Variants in BLMH observed in about 807,000 individuals in gnomAD.
BLMH encodes the protein BLM hydrolase.
BLMH carries 32 observed loss-of-function variants against 61.6 expected under a neutral mutation model. The ratio of observed to expected loss-of-function variants is 0.52; its 90% CI spans 0.39 to 0.70. The LOEUF is 0.70. Among genes scored for constraint, BLMH ranks in the 30% least tolerant of loss-of-function variants. BLMH has a pLI of 0.00. For synonymous variants in BLMH, 183 were observed against 193.8 expected, an observed-to-expected ratio of 0.94 and a Z score of 0.46; for missense variants, 460 against 555.5, an observed-to-expected ratio of 0.83 and a Z score of 1.73.
In BLMH at chr17:30,248,223, T is replaced by C. The variant is rs2143018759; in HGVS notation, c.*794A>G. The C allele has an allele frequency of 6.5e-6, 1 of 152,736 alleles. No homozygotes were observed. Among genetic ancestry groups the C allele is most frequent in the East Asian group, 1.9e-4 (1 of 5,186 alleles). 9.5% of individuals were successfully genotyped at this position (152,736 alleles called of 1,614,324 possible). ...GCTTATTCTCATTTAGCAAAGTTTT[T>C]ATTCAAAAGCTTCTCAGCACCATCT... is the stretch of plus-strand genomic sequence containing the variant. On this transcript the variant is annotated 3_prime_UTR_variant, in exon 12 of 12. Coordinates refer to ENST00000261714, the MANE Select transcript of BLMH (RefSeq NM_000386.4).
chr17:30,272,682 T>C, intron 8 of BLMH, 54 bp from the exon 9 acceptor site: 3 of 1,613,974 alleles, frequency 1.9e-6, no homozygotes, highest in Non-Finnish European at 2.5e-6. Flanking sequence ...CTTCCTATTA[T>C]ACCAAAGAAG....
intron 10 of BLMH, among the ~76,000 whole-genome samples, chr17:30,269,428 G>A (rs528032261): frequency 6.6e-6 from 1 of 151,970 alleles, no homozygotes; most frequent in African/African-American, 2.4e-5. Context: ...TGATCCTCCC[G>A]CCTCAGCCTC....
At position 30,291,444 on chromosome 17, in the gene BLMH, A is replaced by G. The variant is rs1392302089; in HGVS notation, c.78T>C (p.Leu26=). The change falls in exon 2 of 12, where the codon CTT becomes CTC. Residue 26 remains leucine (L), a synonymous_variant. Transcript: ENST00000261714. The stretch of plus-strand genomic sequence containing the variant: ...CGTGGGTGGTCCCGACATTCTGGGC[A>G]AGTACGAACTGGGGGTCGGAATTCA... The part of the protein sequence containing the change: ...QKLNSDPQFV[L]AQNVGTTHDL... 3 of 1,614,178 alleles carry G rather than the reference A, an allele frequency of 1.9e-6. No individual in the cohort carries two copies. The highest frequency in any genetic ancestry group is 2.5e-6 in the Non-Finnish European group (3 of 1,180,030).
At chr17:30,254,534 A>C (rs1907762074) in intron 11 of BLMH, among the ~76,000 whole-genome samples, 1 of 152,240 alleles carries the variant, frequency 6.6e-6, no homozygotes, top group Admixed American at 6.5e-5. Context: ...GGTGATAAAA[A>C]ATAGATTAGA....
intron 11 of BLMH, chr17:30,252,183 C>T (rs1238025376): frequency 6.6e-6 from 1 of 152,148 alleles, no homozygotes; most frequent in Non-Finnish European, 1.5e-5. Context: ...CCAAAGATCA[C>T]ACTTTGAGAA....
intron 9 of BLMH, 61 bp from the exon 10 acceptor site, chr17:30,271,449 G>A: frequency 7.6e-7 from 1 of 1,320,600 alleles, no homozygotes; most frequent in Non-Finnish European, 1.1e-6. Context: ...ACTGGCTTTT[G>A]GTTGTAAAAG....
intron 10 of BLMH, among the ~76,000 whole-genome samples, chr17:30,270,794 T>C (rs1000982911): frequency 1.3e-5 from 2 of 152,234 alleles, no homozygotes; most frequent in Non-Finnish European, 2.9e-5. Flanking sequence ...CAAAATACTT[T>C]ACATCCAATT....
intron 10 of BLMH, among the ~76,000 whole-genome samples, chr17:30,267,978 T>A (rs1012839450): frequency 6.6e-6 from 1 of 152,162 alleles, no homozygotes; most frequent in African/African-American, 2.4e-5. Context: ...CTCAGTAATT[T>A]TCTGTCTCAC....
intron 5 of BLMH, 38 bp from the exon 6 acceptor site, chr17:30,285,518 C>A: frequency 1.3e-6 from 2 of 1,525,696 alleles, no homozygotes; most frequent in Admixed American, 1.8e-5. Flanking sequence ...AACAGTTACC[C>A]GAATTCAATT....
Position 30,290,630 on chromosome 17 carries a change from A to T in BLMH, c.211+681T>A, listed in dbSNP as rs965864735. ...TCGTTTTTAAGTATAGAAAGACTTT[A>T]AAAAATCCGTTTAGTACAATTTTGT... is the stretch of plus-strand genomic sequence containing the variant. On this transcript the variant is annotated intron_variant, in intron 2 of 11. Coordinates refer to ENST00000261714, the MANE Select transcript of BLMH (RefSeq NM_000386.4). Among the ~76,000 whole-genome samples, 4 of 152,240 alleles carry T rather than the reference A, an allele frequency of 2.6e-5. No homozygotes were observed. In the East Asian group the frequency reaches 5.8e-4, roughly 22 times the overall value.
At chr17:30,266,539 GA>G (rs1270602877) in intron 11 of BLMH, among the ~76,000 whole-genome samples, 444 of 133,746 alleles carry the variant, frequency 3.3e-3, no homozygotes, top group Middle Eastern at 0.012. Flanking sequence ...AAAAAAAAAA[GA>G]AAAAAAAAAG....
intron 11 of BLMH, among the ~76,000 whole-genome samples, chr17:30,254,785 C>CCCTTGGGATTGTGT (rs1907768350): frequency 6.6e-6 from 1 of 152,136 alleles, no homozygotes; most frequent in South Asian, 2.1e-4. Context: ...TGCCTACAAT[C>CCCTTGGGATTGTGT]CCACCACCTT....
At chr17:30,286,757 A>C (rs1042562158) in intron 5 of BLMH, 57 bp downstream of exon 5, 1 of 1,315,694 alleles carries the variant, frequency 7.6e-7, no homozygotes, top group Non-Finnish European at 1.1e-6. Context: ...CCTTTTAAAA[A>C]ATAAGTTTGA....
intron 11 of BLMH, 159 bp from the exon 12 acceptor site, chr17:30,249,327 G>C: frequency 1.2e-6 from 1 of 836,436 alleles, no homozygotes. Flanking sequence ...TAGCAATTCT[G>C]TGAAGCAGAT....
chr17:30,273,952 T>C, intron 7 of BLMH, 90 bp downstream of exon 7: 1 of 1,496,174 alleles, frequency 6.7e-7, no homozygotes, highest in Non-Finnish European at 9.2e-7. Flanking sequence ...TTGATACTCA[T>C]ACATGCTAAC....
chr17:30,253,565 A>G (rs1907728935), intron 11 of BLMH, among the ~76,000 whole-genome samples: 1 of 152,200 alleles, frequency 6.6e-6, no homozygotes, highest in Admixed American at 6.5e-5. Context: ...CCTGTGTAGG[A>G]AGCAGCAAAG....
At chr17:30,285,318 A>G in intron 6 of BLMH, 70 bp downstream of exon 6, 4 of 1,069,396 alleles carry the variant, frequency 3.7e-6, no homozygotes, top group Non-Finnish European at 5.5e-6. Context: ...CCTAATCATT[A>G]CTTTAACAGA....
chr17:30,283,888 A>T lies in BLMH; in HGVS notation c.645+1500T>A, dbSNP rs1353776659. Among the ~76,000 whole-genome samples the T allele has an allele frequency of 5.3e-5, 8 of 152,182 alleles. No homozygotes were observed. In the South Asian group the frequency reaches 1.7e-3, roughly 31 times the overall value. ...CAGATATAGCCTCTGCAAGACAGTC[A>T]TTCCAAGCAAGAAGGGAAGAAGTAA... On this transcript the variant is annotated intron_variant, in intron 6 of 11. Coordinates refer to ENST00000261714, the MANE Select transcript of BLMH (RefSeq NM_000386.4).
chr17:30,272,709 C>A (rs769891300), intron 8 of BLMH, 32 bp downstream of exon 8: 17 of 1,613,962 alleles, frequency 1.1e-5, no homozygotes, highest in Middle Eastern at 1.6e-4. Flanking sequence ...ATGTTTTAAC[C>A]CCAATGTGCA....
Sources: gnomAD v4.1 joint callset for allele counts (sites outside exome capture counted in the v4.1 genomes callset) on GRCh38, gnomAD v4.1.1 for gene constraint, MANE v1.5 for transcripts, NCBI Gene and HGNC (gene_info 2026-07-23, HGNC 2026-07-21) for gene names.